PGD: variants seen among roughly 807,000 people sequenced by gnomAD.
PGD encodes the protein 6-phosphogluconate dehydrogenase, decarboxylating.
Under a neutral mutation model 60.4 loss-of-function variants are expected in PGD, and 21 were observed. That is an observed-to-expected ratio of 0.35 (90% CI 0.25 to 0.50). The LOEUF is 0.50. PGD is among the 20% of genes least tolerant of loss of function. The pLI, the probability that PGD is intolerant of heterozygous loss-of-function variation, is 0.98. For missense variants in PGD, 477 were observed against 613.1 expected (o/e 0.78, Z 2.34); for synonymous variants, 230 against 235.9 (o/e 0.97, Z 0.23).
chr1:10,412,870 C>G (rs1024950281), intron 7 of PGD, 192 bp from the exon 8 acceptor site: 1 of 546,960 alleles, frequency 1.8e-6, no homozygotes, highest in East Asian at 2.9e-5. Context: ...TTCAGTATAA[C>G]CAGGTTCAGA....
intron 1 of PGD, 33 bp from the exon 2 acceptor site, chr1:10,399,596 A>T (rs758719425): frequency 6.2e-7 from 1 of 1,601,214 alleles, no homozygotes; most frequent in South Asian, 1.1e-5. Flanking sequence ...AGCGGTGCTG[A>T]CTCTTTCCTT....
At chr1:10,399,257 C>A in intron 1 of PGD, 132 bp downstream of exon 1, 2 of 1,064,458 alleles carry the variant, frequency 1.9e-6, no homozygotes, top group Non-Finnish European at 2.7e-6. Context: ...GGCTCTGTGA[C>A]CCTGGCCCTA....
intron 8 of PGD, 93 bp from the exon 9 acceptor site, chr1:10,416,894 T>G: frequency 8.3e-7 from 1 of 1,208,634 alleles, no homozygotes; most frequent in Non-Finnish European, 1.2e-6. Flanking sequence ...GCCATCTGGA[T>G]GTATACATGC....
At chr1:10,416,546 C>T (rs554930728) in intron 8 of PGD, among the ~76,000 whole-genome samples, 2 of 152,150 alleles carry the variant, frequency 1.3e-5, no homozygotes, top group Non-Finnish European at 2.9e-5. Flanking sequence ...TGTGAAAAGA[C>T]CACCAAACAG....
At chr1:10,400,889 C>T (rs973048413) in intron 3 of PGD, among the ~76,000 whole-genome samples, 3 of 151,962 alleles carry the variant, frequency 2.0e-5, no homozygotes, top group East Asian at 1.9e-4. Flanking sequence ...CCCAGGAGTT[C>T]GAGACCAGCC....
intron 8 of PGD, among the ~76,000 whole-genome samples, chr1:10,416,471 A>T (rs1040719177): frequency 6.6e-6 from 1 of 152,246 alleles, no homozygotes; most frequent in African/African-American, 2.4e-5. Context: ...TTGTATAAAC[A>T]GACTTTCCTG....
intron 5 of PGD, among the ~76,000 whole-genome samples, chr1:10,405,693 G>A (rs539658850): frequency 1.1e-4 from 16 of 151,698 alleles, no homozygotes; most frequent in South Asian, 2.1e-4. Flanking sequence ...AAAATTAGCC[G>A]GGCATGGTGG....
intron 7 of PGD, 128 bp downstream of exon 7, chr1:10,411,680 G>A (rs1280252510): frequency 5.1e-6 from 5 of 984,190 alleles, no homozygotes; most frequent in African/African-American, 1.6e-5. Context: ...AGCCTAATTT[G>A]AGGGAAACTG....
intron 1 of PGD, 181 bp from the exon 2 acceptor site, chr1:10,399,448 T>C (rs1205617187): frequency 4.0e-6 from 2 of 494,644 alleles, no homozygotes; most frequent in Non-Finnish European, 6.7e-6. Context: ...AGGGCGGGGC[T>C]GGGGGCCGCC....
At chr1:10,411,121 G>A (rs1639492298) in intron 6 of PGD, among the ~76,000 whole-genome samples, 1 of 152,098 alleles carries the variant, frequency 6.6e-6, no homozygotes, top group South Asian at 2.1e-4. Context: ...TGAATGATGA[G>A]AAAGAGTAGA....
chr1:10,404,504 C>T (rs1041462724), intron 5 of PGD, among the ~76,000 whole-genome samples: 19 of 151,448 alleles, frequency 1.3e-4, no homozygotes, highest in Admixed American at 9.9e-4. Flanking sequence ...AAGACTGATA[C>T]CTGACGTTCT....
At chr1:10,399,279 G>T (rs1008149251) in intron 1 of PGD, among the ~76,000 whole-genome samples, 154 bp downstream of exon 1, 1 of 152,218 alleles carries the variant, frequency 6.6e-6, no homozygotes, top group Non-Finnish European at 1.5e-5. Flanking sequence ...GGCGTCTCGG[G>T]CCCAGAGCTC....
Position 10,403,147 on chromosome 1 carries a change from T to C in PGD, c.330+11T>C, listed in dbSNP as rs965178853. 3.2e-6 allele frequency: 5 copies of C among 1,574,876 alleles called. No homozygotes were observed. Among genetic ancestry groups the C allele is most frequent in the Non-Finnish European group, 4.4e-6 (5 of 1,144,218 alleles). On this transcript the variant is annotated intron_variant, in intron 4 of 12. Coordinates refer to ENST00000270776, the MANE Select transcript of PGD (RefSeq NM_002631.4). ...TATAGGGACACCACAGTAAGTGTTC[T>C]TCAGTCCAGATTCTTCCAGGTTCCG...
chr1:10,401,624 TCAGA>T (rs1400356180), intron 3 of PGD, among the ~76,000 whole-genome samples: 1 of 152,242 alleles, frequency 6.6e-6, no homozygotes, highest in African/African-American at 2.4e-5. Context: ...GTAATCAGTT[TCAGA>T]CAGAGAAAAC....
chr1:10,406,803 G>A (rs1482428216), intron 5 of PGD, among the ~76,000 whole-genome samples: 1 of 152,194 alleles, frequency 6.6e-6, no homozygotes, highest in Non-Finnish European at 1.5e-5. Context: ...GAATGGTAAT[G>A]TAGCTCTCAA....
Position 10,413,135 on chromosome 1 carries a change from A to C in PGD, c.728A>C (p.Gln243Pro), listed in dbSNP as rs746024638. Residue 243 changes from glutamine to proline, a missense_variant, in exon 8 of 13, where the codon CAA becomes CCA. Transcript: ENST00000270776. ...ATCACAGCCAATATTCTCAAGTTCCAAGACACCGATGGCAAACACCTGCTG... is the reference window on the plus strand; with the variant it reads ...ATCACAGCCAATATTCTCAAGTTCCCAGACACCGATGGCAAACACCTGCTG... The part of the protein sequence containing the change: ...IEITANILKF[Q>P]DTDGKHLLPK... 8.7e-6 allele frequency: 14 copies of C among 1,614,062 alleles called. No homozygotes were observed. The highest frequency in any genetic ancestry group is 1.3e-5 in the African/African-American group (1 of 74,932).
rs769133339 is a variant in PGD, at chr1:10,418,792, A to ATT, written c.1110-34_1110-33insTT. 6 of 1,042,502 alleles carry ATT rather than the reference A, an allele frequency of 5.8e-6. No individual in the cohort carries two copies. The South Asian group carries it at 6.7e-5, about 12-fold the overall frequency. 64.6% of individuals were successfully genotyped at this position (1,042,502 alleles called of 1,614,324 possible). ...CCGTCTCAAAAAAAAAAAAAAAAAG[A>ATT]CTCATTGCTTTTTTCCCCCCTTGAT... On this transcript the variant is annotated intron_variant, in intron 10 of 12. Coordinates refer to ENST00000270776, the MANE Select transcript of PGD (RefSeq NM_002631.4).
intron 10 of PGD, among the ~76,000 whole-genome samples, chr1:10,418,199 T>C (rs1008125972): frequency 2.0e-5 from 3 of 152,244 alleles, no homozygotes; most frequent in African/African-American, 7.2e-5. Flanking sequence ...ATGAATCTGA[T>C]TTTTCTGAAG....
chr1:10,401,565 C>T (rs1639316354), intron 3 of PGD, among the ~76,000 whole-genome samples: 1 of 152,066 alleles, frequency 6.6e-6, no homozygotes, highest in African/African-American at 2.4e-5. Context: ...AGGAAGAACA[C>T]TGAGTTTAAA....
Sources: gnomAD v4.1 joint callset for allele counts (sites outside exome capture counted in the v4.1 genomes callset) on GRCh38, gnomAD v4.1.1 for gene constraint, MANE v1.5 for transcripts, NCBI Gene and HGNC (gene_info 2026-07-23, HGNC 2026-07-21) for gene names.